The following WDR7 variants were observed in gnomAD, a reference collection of about 807,000 sequenced individuals.
WDR7 encodes the protein WD repeat-containing protein 7.
WDR7 carries 46 observed loss-of-function variants against 169.4 expected under a neutral mutation model. That is an observed-to-expected ratio of 0.27 (90% CI 0.21 to 0.35). The LOEUF (loss-of-function observed/expected upper bound fraction) is 0.35, where lower values mean the gene tolerates loss of function less well. Among genes scored for constraint, WDR7 ranks in the 10% least tolerant of loss-of-function variants. The pLI is 1.00. For missense variants in WDR7, 1,534 were observed against 1,859.3 expected (o/e 0.83, Z 3.22); for synonymous variants, 612 against 666.8 (o/e 0.92, Z 1.27).
intron 19 of WDR7, among the ~76,000 whole-genome samples, chr18:56,809,809 GTATATA>G (rs3045240): frequency 5.3e-5 from 8 of 150,614 alleles, no homozygotes; most frequent in African/African-American, 1.2e-4. Flanking sequence ...GTTTTTGGAA[GTATATA>G]TATATATAGT....
intron 13 of WDR7, among the ~76,000 whole-genome samples, chr18:56,725,816 T>C (rs2026436751): frequency 6.6e-6 from 1 of 152,062 alleles, no homozygotes. Flanking sequence ...TAATCCATCT[T>C]GAATTAATTT....
At chr18:57,016,657 A>G in intron 26 of WDR7, among the ~76,000 whole-genome samples, 1 of 152,208 alleles carries the variant, frequency 6.6e-6, no homozygotes, top group Admixed American at 6.5e-5. Flanking sequence ...TCTCTGTACA[A>G]CTGGGTTAAT....
intron 19 of WDR7, among the ~76,000 whole-genome samples, chr18:56,783,061 T>C (rs1049014356): frequency 1.2e-4 from 19 of 152,094 alleles, no homozygotes; most frequent in African/African-American, 4.3e-4. Context: ...ACAGCTCCAG[T>C]GAAAATTCTT....
intron 20 of WDR7, among the ~76,000 whole-genome samples, chr18:56,834,911 T>C (rs2045372702): frequency 6.6e-6 from 1 of 152,212 alleles, no homozygotes. Context: ...TAGTTATTTC[T>C]CCCTGCTTTA....
intron 20 of WDR7, among the ~76,000 whole-genome samples, chr18:56,867,905 ATAAAG>A (rs377385149): frequency 6.6e-5 from 10 of 152,326 alleles, no homozygotes; most frequent in South Asian, 2.1e-4. Context: ...AGGAAATCCT[ATAAAG>A]TAGTTACAGG....
At chr18:56,933,668 G>A (rs986736721) in intron 22 of WDR7, among the ~76,000 whole-genome samples, 2 of 152,156 alleles carry the variant, frequency 1.3e-5, no homozygotes, top group African/African-American at 4.8e-5. Context: ...CCACAGTATG[G>A]TCACTCCTCT....
intron 20 of WDR7, among the ~76,000 whole-genome samples, chr18:56,827,084 G>C (rs1031141860): frequency 6.6e-6 from 1 of 152,222 alleles, no homozygotes; most frequent in Non-Finnish European, 1.5e-5. Flanking sequence ...CGGAGGTGGA[G>C]AGACATGGGA....
At chr18:56,799,500 T>C (rs1020635597) in intron 19 of WDR7, among the ~76,000 whole-genome samples, 3 of 152,152 alleles carry the variant, frequency 2.0e-5, no homozygotes, top group African/African-American at 7.2e-5. Context: ...GATAATATTT[T>C]ATGTGCTGTG....
At chr18:56,902,318 G>C (rs2046414864) in intron 21 of WDR7, among the ~76,000 whole-genome samples, 1 of 152,126 alleles carries the variant, frequency 6.6e-6, no homozygotes, top group Non-Finnish European at 1.5e-5. Flanking sequence ...CCTATCTTTT[G>C]TCAATCAAGT....
At chr18:57,021,168 G>A (rs1183255274) in intron 27 of WDR7, among the ~76,000 whole-genome samples, 1 of 152,204 alleles carries the variant, frequency 6.6e-6, no homozygotes, top group Admixed American at 6.5e-5. Context: ...TTCAGGGGAA[G>A]TGACACCTAA....
chr18:56,711,545 G>GT (rs530280281), intron 12 of WDR7, among the ~76,000 whole-genome samples: 11 of 150,496 alleles, frequency 7.3e-5, no homozygotes, highest in East Asian at 5.8e-4. Context: ...TTTCTTCAGT[G>GT]TTTTTTTTTA....
chr18:56,940,320 T>C (rs1055883486), intron 25 of WDR7, among the ~76,000 whole-genome samples: 2 of 152,226 alleles, frequency 1.3e-5, no homozygotes, highest in Non-Finnish European at 2.9e-5. Context: ...GCAAATGTAT[T>C]TCAGCACGTG....
chr18:56,852,698 TA>T (rs1414516624), intron 20 of WDR7, among the ~76,000 whole-genome samples: 1 of 152,162 alleles, frequency 6.6e-6, no homozygotes, highest in Non-Finnish European at 1.5e-5. Flanking sequence ...TTAATGTAGT[TA>T]TTAAATGTAA....
At chr18:56,977,436 G>A (rs1419445294) in intron 26 of WDR7, among the ~76,000 whole-genome samples, 2 of 152,150 alleles carry the variant, frequency 1.3e-5, no homozygotes, top group Non-Finnish European at 2.9e-5. Context: ...GCCAAGGCCC[G>A]CTTCCCCATG....
intron 20 of WDR7, among the ~76,000 whole-genome samples, chr18:56,839,507 T>C (rs1452452532): frequency 6.6e-6 from 1 of 152,200 alleles, no homozygotes; most frequent in African/African-American, 2.4e-5. Flanking sequence ...TTAAAATTAT[T>C]ACTATTCTTT....
intron 19 of WDR7, among the ~76,000 whole-genome samples, chr18:56,813,457 AG>A (rs1256895645): frequency 6.8e-6 from 1 of 147,380 alleles, no homozygotes; most frequent in Admixed American, 6.6e-5. Context: ...ATTTTCTTAG[AG>A]GTTTTTTTTT....
intron 26 of WDR7, among the ~76,000 whole-genome samples, chr18:56,988,986 T>G (rs1393180527): frequency 6.6e-6 from 1 of 151,986 alleles, no homozygotes. Flanking sequence ...AGAAAAAAAT[T>G]GAATTATCTA....
chr18:56,806,380 A>AT (rs2145179426), intron 19 of WDR7, among the ~76,000 whole-genome samples: 1 of 152,356 alleles, frequency 6.6e-6, no homozygotes, highest in East Asian at 1.9e-4. Context: ...AAAAAAATAT[A>AT]TAGATCAGTG....
chr18:56,714,192 A>AT (rs1388619749), intron 12 of WDR7, among the ~76,000 whole-genome samples: 3 of 152,194 alleles, frequency 2.0e-5, no homozygotes, highest in African/African-American at 7.2e-5. Flanking sequence ...TTGGACTAGC[A>AT]TTTTTTTGAA....
Sources: gnomAD v4.1 joint callset for allele counts (sites outside exome capture counted in the v4.1 genomes callset) on GRCh38, gnomAD v4.1.1 for gene constraint, MANE v1.5 for transcripts, NCBI Gene and HGNC (gene_info 2026-07-23, HGNC 2026-07-21) for gene names.